Variants in DMD observed in about 807,000 individuals in gnomAD.
DMD encodes mutant dystrophin.
DMD carries 63 observed loss-of-function variants against 330.1 expected under a neutral mutation model. The observed-to-expected ratio is 0.19, with a 90% confidence interval of 0.16 to 0.24. The LOEUF is 0.24. Ranked by LOEUF, DMD falls within the 10% of genes least tolerant of loss-of-function variation. The probability of loss-of-function intolerance (pLI) is 1.00; values close to 1 mark genes in which losing one functional copy is unlikely to be tolerated. For missense variants in DMD, 3,344 were observed against 2,684.1 expected, an observed-to-expected ratio of 1.25 and a Z score of -5.43; for synonymous variants, 1,223 against 959.8, an observed-to-expected ratio of 1.27 and a Z score of -5.07.
At chrX:31,701,024 C>T (rs1158491590) in intron 52 of DMD, among the ~76,000 whole-genome samples, 1 of 111,937 alleles carries the variant, frequency 8.9e-6, no homozygotes, top group Non-Finnish European at 1.9e-5. Context: ...TTCATTAAAG[C>T]GAAGCTAAAG....
chrX:31,651,139 C>A (rs1417825007), intron 54 of DMD, among the ~76,000 whole-genome samples: 1 of 111,786 alleles, frequency 8.9e-6, no homozygotes, highest in African/African-American at 3.2e-5. Flanking sequence ...TCTTAGGTTT[C>A]CAGTTTTAGA....
At chrX:31,887,566 T>C (rs999894422) in intron 47 of DMD, among the ~76,000 whole-genome samples, 1 of 112,097 alleles carries the variant, frequency 8.9e-6, no homozygotes, top group Non-Finnish European at 1.9e-5. Flanking sequence ...TCGACACATA[T>C]AAAACTCTTC....
intron 47 of DMD, among the ~76,000 whole-genome samples, chrX:31,922,524 G>GTA (rs2094705851): frequency 9.3e-6 from 1 of 107,849 alleles, no homozygotes; most frequent in Non-Finnish European, 1.9e-5. Context: ...GTGTGTGTGT[G>GTA]TGCGCGCGCG....
intron 43 of DMD, among the ~76,000 whole-genome samples, chrX:32,220,556 T>C (rs1457998689): frequency 9.0e-6 from 1 of 111,542 alleles, no homozygotes; most frequent in Non-Finnish European, 1.9e-5. Flanking sequence ...ACAGTCTAAA[T>C]CTATTCTTGA....
At chrX:32,499,229 G>A (rs995208086) in intron 19 of DMD, among the ~76,000 whole-genome samples, 2 of 111,718 alleles carry the variant, frequency 1.8e-5, no homozygotes, top group African/African-American at 6.5e-5. Context: ...AGAAAATTCA[G>A]TTTGCTATGC....
At chrX:32,814,475 G>A (rs1013581507) in intron 6 of DMD, among the ~76,000 whole-genome samples, 3 of 111,945 alleles carry the variant, frequency 2.7e-5, no homozygotes, top group African/African-American at 9.8e-5. Context: ...AACGACAATC[G>A]CTATGGAACA....
At chrX:33,294,671 A>AT (rs1438137597) in intron 1 of DMD, among the ~76,000 whole-genome samples, 1 of 109,884 alleles carries the variant, frequency 9.1e-6, no homozygotes, top group African/African-American at 3.3e-5. Flanking sequence ...AATGTGTCAA[A>AT]TTTTTTATTT....
chrX:32,643,714 G>C (rs2059615171), intron 11 of DMD, among the ~76,000 whole-genome samples: 1 of 111,442 alleles, frequency 9.0e-6, no homozygotes, highest in Non-Finnish European at 1.9e-5. Context: ...TCCATATATA[G>C]ATGAGTAACT....
intron 44 of DMD, among the ~76,000 whole-genome samples, chrX:31,971,677 T>C (rs1012057272): frequency 8.9e-6 from 1 of 111,806 alleles, no homozygotes; most frequent in Non-Finnish European, 1.9e-5. Context: ...TTTTCTGAGC[T>C]GGAAAAGATA....
chrX:31,477,828 C>T (rs1449371408), intron 59 of DMD, among the ~76,000 whole-genome samples: 1 of 105,999 alleles, frequency 9.4e-6, no homozygotes, highest in African/African-American at 3.6e-5. Context: ...CACACACACA[C>T]ACATCAGACT....
intron 7 of DMD, among the ~76,000 whole-genome samples, chrX:32,709,339 A>G (rs544279246): frequency 3.6e-5 from 4 of 112,432 alleles, no homozygotes; most frequent in African/African-American, 1.3e-4. Context: ...ATGATAAGGG[A>G]TAACTTTATA....
chrX:31,573,022 A>C (rs1451841346), intron 55 of DMD, among the ~76,000 whole-genome samples: 1 of 111,553 alleles, frequency 9.0e-6, no homozygotes, highest in Non-Finnish European at 1.9e-5. Context: ...AACTCCCTAT[A>C]AGTGATCTAT....
At chrX:33,044,161 G>C (rs1569551301) in intron 1 of DMD, among the ~76,000 whole-genome samples, 1 of 112,008 alleles carries the variant, frequency 8.9e-6, no homozygotes, top group Non-Finnish European at 1.9e-5. Flanking sequence ...CCCAGGCGCA[G>C]TGGCTCATGC....
chrX:31,902,719 T>C (rs2094437615), intron 47 of DMD, among the ~76,000 whole-genome samples: 1 of 111,833 alleles, frequency 8.9e-6, no homozygotes, highest in Non-Finnish European at 1.9e-5. Flanking sequence ...GTATAAAGCA[T>C]TATAAGACCA....
chrX:32,031,848 A>G (rs1475789165), intron 44 of DMD, among the ~76,000 whole-genome samples: 3 of 111,841 alleles, frequency 2.7e-5, no homozygotes, highest in African/African-American at 9.7e-5. Flanking sequence ...TGTCTTGCTA[A>G]TTTTTCATAT....
At chrX:31,673,015 G>C (rs891101159) in intron 53 of DMD, among the ~76,000 whole-genome samples, 8 of 112,459 alleles carry the variant, frequency 7.1e-5, no homozygotes, top group Non-Finnish European at 1.9e-5. Context: ...CCAAATAAAG[G>C]CAAGGCCATG....
chrX:33,198,326 C>T (rs1315086234), intron 1 of DMD, among the ~76,000 whole-genome samples: 1 of 110,409 alleles, frequency 9.1e-6, no homozygotes, highest in Non-Finnish European at 1.9e-5. Flanking sequence ...ATTCTAGATA[C>T]TAGTTCTTTG....
At chrX:31,658,610 C>A (rs1427172481) in intron 53 of DMD, among the ~76,000 whole-genome samples, 2 of 111,993 alleles carry the variant, frequency 1.8e-5, no homozygotes, top group African/African-American at 3.2e-5. Context: ...AAATATTGAA[C>A]AACAAAAGAA....
chrX:31,122,059 G>T, intron 78 of DMD, 129 bp from the exon 79 acceptor site: 1 of 539,236 alleles, frequency 1.9e-6, no homozygotes. Context: ...CTGCATCGAG[G>T]GTGTACACAA....
Sources: allele counts gnomAD v4.1 joint callset (sites outside exome capture counted in the v4.1 genomes callset), GRCh38; gene constraint gnomAD v4.1.1; transcripts MANE v1.5; gene names NCBI Gene and HGNC (gene_info 2026-07-23, HGNC 2026-07-21).